The following SCFD2 variants were observed in gnomAD, a reference collection of about 807,000 sequenced individuals.
SCFD2 encodes sec1 family domain containing 2, also known as sec1 family domain-containing protein 2.
Under a neutral mutation model 58.9 loss-of-function variants are expected in SCFD2, and 54 were observed. That is an observed-to-expected ratio of 0.92 (90% CI 0.74 to 1.15). The LOEUF is 1.15. Among genes scored for constraint, SCFD2 ranks in the 50% most tolerant of loss-of-function variants. The probability of loss-of-function intolerance (pLI) is 0.00; values close to 1 mark genes in which losing one functional copy is unlikely to be tolerated. For synonymous variants in SCFD2, 321 were observed against 335.9 expected (o/e 0.96, Z 0.49); for missense variants, 805 against 836.6 (o/e 0.96, Z 0.47).
chr4:53,270,070 C>G (rs935909439), intron 4 of SCFD2, among the ~76,000 whole-genome samples: 2 of 151,950 alleles, frequency 1.3e-5, no homozygotes, highest in African/African-American at 4.8e-5. Context: ...AGCATGAATG[C>G]AAATTTCTAT....
chr4:53,000,326 A>T (rs1721835592), intron 5 of SCFD2, among the ~76,000 whole-genome samples: 1 of 152,160 alleles, frequency 6.6e-6, no homozygotes, highest in Admixed American at 6.5e-5. Context: ...AAATCAAAAG[A>T]TTTCACATAC....
At chr4:53,215,958 C>T (rs534831989) in intron 4 of SCFD2, among the ~76,000 whole-genome samples, 154 of 152,240 alleles carry the variant, frequency 1.0e-3, no homozygotes, top group African/African-American at 3.6e-3. Context: ...TATTGATTTG[C>T]TTACGTTGAA....
chr4:52,955,578 A>AC (rs1022297398), intron 5 of SCFD2, among the ~76,000 whole-genome samples: 2 of 152,180 alleles, frequency 1.3e-5, no homozygotes, highest in Non-Finnish European at 2.9e-5. Context: ...AGGGAACACC[A>AC]CTGGTAAGTA....
chr4:53,361,552 A>G (rs966807542), intron 1 of SCFD2, among the ~76,000 whole-genome samples: 6 of 152,154 alleles, frequency 3.9e-5, no homozygotes, highest in Admixed American at 6.5e-5. Context: ...ATGAGCCACT[A>G]TACCTGGCTA....
chr4:52,904,170 C>A (rs1366753145), intron 7 of SCFD2, among the ~76,000 whole-genome samples: 1 of 152,210 alleles, frequency 6.6e-6, no homozygotes, highest in Non-Finnish European at 1.5e-5. Flanking sequence ...CCAACATCAT[C>A]ACGAAACCAT....
intron 5 of SCFD2, among the ~76,000 whole-genome samples, chr4:53,042,841 C>T (rs138150835): frequency 2.2e-4 from 33 of 152,166 alleles, no homozygotes; most frequent in Non-Finnish European, 3.7e-4. Context: ...TGTAGTTTCT[C>T]CTTGGGACTA....
intron 3 of SCFD2, among the ~76,000 whole-genome samples, chr4:53,296,953 T>C (rs1732057115): frequency 2.0e-5 from 3 of 152,174 alleles, no homozygotes; most frequent in African/African-American, 7.2e-5. Context: ...TGGTCTTGAG[T>C]GAGTTTCTTA....
intron 6 of SCFD2, among the ~76,000 whole-genome samples, chr4:52,909,970 C>T (rs763744792): frequency 2.6e-5 from 4 of 152,178 alleles, no homozygotes; most frequent in African/African-American, 7.2e-5. Context: ...GACATTGACT[C>T]GCTTAAACTT....
chr4:53,080,574 G>T (rs1161061028), intron 5 of SCFD2, among the ~76,000 whole-genome samples: 1 of 152,168 alleles, frequency 6.6e-6, no homozygotes. Context: ...AGAAGGGTTT[G>T]ATAAGCAGGG....
At chr4:52,883,985 C>T (rs1718678148) in intron 8 of SCFD2, among the ~76,000 whole-genome samples, 1 of 152,176 alleles carries the variant, frequency 6.6e-6, no homozygotes, top group East Asian at 1.9e-4. Context: ...ACCAGACCTT[C>T]TTGGCTTAAC....
At chr4:53,011,575 T>C (rs1248033484) in intron 5 of SCFD2, among the ~76,000 whole-genome samples, 1 of 152,252 alleles carries the variant, frequency 6.6e-6, no homozygotes, top group Non-Finnish European at 1.5e-5. Context: ...TTAAGGTTCC[T>C]TGTAGTGTGT....
intron 2 of SCFD2, among the ~76,000 whole-genome samples, chr4:53,342,545 T>C (rs1733914587): frequency 6.6e-6 from 1 of 152,102 alleles, no homozygotes; most frequent in Non-Finnish European, 1.5e-5. Context: ...ATTAGACAGA[T>C]CAACGAGACA....
chr4:53,303,162 G>A (rs1216709483), intron 3 of SCFD2, among the ~76,000 whole-genome samples: 1 of 152,088 alleles, frequency 6.6e-6, no homozygotes, highest in East Asian at 1.9e-4. Context: ...GAGTGAACAG[G>A]CAACCTACAG....
chr4:53,063,103 C>T (rs541772754), intron 5 of SCFD2, among the ~76,000 whole-genome samples: 70 of 152,190 alleles, frequency 4.6e-4, no homozygotes, highest in African/African-American at 1.5e-3. Context: ...CAAGGTTTTG[C>T]ATACAAAAAT....
At chr4:53,302,598 T>G (rs1263590808) in intron 3 of SCFD2, among the ~76,000 whole-genome samples, 3 of 152,046 alleles carry the variant, frequency 2.0e-5, no homozygotes. Context: ...TGGAAAAAAC[T>G]ACTTTAAAGT....
intron 5 of SCFD2, among the ~76,000 whole-genome samples, chr4:52,953,303 C>G (rs1720642023): frequency 6.6e-6 from 1 of 152,120 alleles, no homozygotes; most frequent in Admixed American, 6.5e-5. Context: ...GCTTTATAAC[C>G]TATAGACCTG....
At chr4:52,970,665 A>G (rs1721076544) in intron 5 of SCFD2, among the ~76,000 whole-genome samples, 1 of 152,162 alleles carries the variant, frequency 6.6e-6, no homozygotes, top group African/African-American at 2.4e-5. Context: ...CTTTGAAGAG[A>G]GTAGTGGTTC....
intron 5 of SCFD2, among the ~76,000 whole-genome samples, chr4:52,962,977 G>A (rs968932597): frequency 1.3e-5 from 2 of 152,186 alleles, no homozygotes; most frequent in African/African-American, 4.8e-5. Context: ...ATAGAAAGAA[G>A]GGCCAAGGCC....
intron 5 of SCFD2, among the ~76,000 whole-genome samples, chr4:52,954,441 G>A (rs1465809183): frequency 6.6e-6 from 1 of 152,196 alleles, no homozygotes; most frequent in Non-Finnish European, 1.5e-5. Context: ...GAAGTCGGGC[G>A]GGTGGCTACA....
Sources: gnomAD v4.1 joint callset for allele counts (sites outside exome capture counted in the v4.1 genomes callset) on GRCh38, gnomAD v4.1.1 for gene constraint, MANE v1.5 for transcripts, NCBI Gene and HGNC (gene_info 2026-07-23, HGNC 2026-07-21) for gene names.